Variants in CLCA1 observed in about 807,000 individuals in gnomAD.
The protein encoded by CLCA1 is calcium-activated chloride channel regulator 1.
Under a neutral mutation model 85.6 loss-of-function variants are expected in CLCA1, and 59 were observed. The ratio of observed to expected loss-of-function variants is 0.69; its 90% CI spans 0.56 to 0.86. The LOEUF (loss-of-function observed/expected upper bound fraction) is 0.86. CLCA1 is among the 40% of genes least tolerant of loss of function. The pLI, the probability that CLCA1 is intolerant of heterozygous loss-of-function variation, is 0.00. For missense variants in CLCA1, 1,022 were observed against 1,101.4 expected (o/e 0.93, Z 1.02); for synonymous variants, 396 against 398.3 (o/e 0.99, Z 0.07).
intron 5 of CLCA1, among the ~76,000 whole-genome samples, chr1:86,484,158 G>A (rs1224335063): frequency 6.6e-6 from 1 of 152,138 alleles, no homozygotes; most frequent in Non-Finnish European, 1.5e-5. Flanking sequence ...ATTTGGGTGG[G>A]ACACAGAGCC....
chr1:86,483,334 A>G (rs1647870404), intron 5 of CLCA1, among the ~76,000 whole-genome samples: 1 of 152,304 alleles, frequency 6.6e-6, no homozygotes, highest in African/African-American at 2.4e-5. Flanking sequence ...AAGTATCCAT[A>G]TTGATAACAT....
In CLCA1 at chr1:86,500,126, C is replaced by A; in HGVS notation, c.*81C>A. The A allele has an allele frequency of 1.1e-6, 1 of 888,906 alleles. No individual in the cohort carries two copies. The highest frequency in any genetic ancestry group is 1.7e-6 in the Non-Finnish European group (1 of 579,952). 55.1% of individuals were successfully genotyped at this position (888,906 alleles called of 1,614,324 possible). ...AAAATTTTCTAAAATGTATTTTAGACTTCCTGTAGGGGGCGATATACTAAA... is the reference window on the plus strand; with the variant it reads ...AAAATTTTCTAAAATGTATTTTAGAATTCCTGTAGGGGGCGATATACTAAA... On this transcript the variant is annotated 3_prime_UTR_variant, in exon 14 of 14. Transcript: ENST00000394711.
Position 86,469,059 on chromosome 1 carries a change from A to G in CLCA1, c.88A>G (p.Asn30Asp). 6.2e-7 allele frequency: 1 copy of G among 1,613,144 alleles called. No individual in the cohort carries two copies. The highest frequency in any genetic ancestry group is 8.5e-7 in the Non-Finnish European group (1 of 1,179,504). ...TAATTCACTCATTCAGCTGAACAACAATGGCTATGAAGGCATTGTCGTTGC... is the reference window on the plus strand; with the variant it reads ...TAATTCACTCATTCAGCTGAACAACGATGGCTATGAAGGCATTGTCGTTGC... ...LSNSLIQLNNNGYEGIVVAID... is the reference protein window; with the variant it reads ...LSNSLIQLNNDGYEGIVVAID... The change falls in exon 1 of 14, where the codon AAT becomes GAT. Residue 30 changes from asparagine (N) to aspartate (D), a missense_variant. By Grantham distance (23) the Asn-to-Asp change is conservative. Transcript: ENST00000394711.
intron 2 of CLCA1, 44 bp from the exon 3 acceptor site, chr1:86,473,685 T>C (rs763205104): frequency 2.0e-6 from 3 of 1,533,834 alleles, no homozygotes; most frequent in East Asian, 2.3e-5. Flanking sequence ...GTTAATTCAT[T>C]TGCTGAAACT....
At position 86,482,313 on chromosome 1, in the gene CLCA1, A is replaced by G. The variant is rs757492153; in HGVS notation, c.666A>G (p.Gly222=). ...AAGTAACAGGACTCTATGAAAAAGG[A>G]TGTGAGTTTGTTCTCCAATCCCGCC... ...FNKVTGLYEK[G]CEFVLQSRQT... Residue 222 remains glycine, a synonymous_variant, in exon 5 of 14, where the codon GGA becomes GGG. Transcript: ENST00000394711. 1 of 1,614,160 alleles carries G rather than the reference A, an allele frequency of 6.2e-7. No homozygotes were observed. Among genetic ancestry groups the G allele is most frequent in the Non-Finnish European group, 8.5e-7 (1 of 1,180,004 alleles).
At position 86,491,337 on chromosome 1, in the gene CLCA1, C is replaced by T. The variant is rs1648129147; in HGVS notation, c.1430C>T (p.Ser477Leu). 2 of 1,613,352 alleles carry T rather than the reference C, an allele frequency of 1.2e-6. No homozygotes were observed. The highest frequency in any genetic ancestry group is 1.7e-6 in the Non-Finnish European group (2 of 1,179,452). The part of the protein sequence containing the change: ...GLIDAFGALS[S>L]GNGAVSQRSI... Reference sequence around the variant, plus strand: ...ATTGATGCTTTTGGGGCCCTTTCATCAGGAAATGGAGCTGTCTCTCAGCGC... The same window carrying T: ...ATTGATGCTTTTGGGGCCCTTTCATTAGGAAATGGAGCTGTCTCTCAGCGC... The change falls in exon 9 of 14, where the codon TCA (serine) becomes TTA (leucine). Residue 477 changes from serine (S) to leucine (L), a missense_variant. By Grantham distance (145) the Ser-to-Leu change is moderately radical. Coordinates refer to ENST00000394711, the MANE Select transcript of CLCA1 (RefSeq NM_001285.4).
intron 1 of CLCA1, among the ~76,000 whole-genome samples, chr1:86,469,894 T>A (rs1647450983): frequency 1.3e-5 from 2 of 152,158 alleles, no homozygotes; most frequent in Admixed American, 1.3e-4. Context: ...ATCTCCCTTA[T>A]CAGATTTTGT....
chr1:86,476,900 G>A (rs1201211762), intron 4 of CLCA1, among the ~76,000 whole-genome samples: 1 of 151,982 alleles, frequency 6.6e-6, no homozygotes, highest in Admixed American at 6.6e-5. Context: ...GGTGCCTTCA[G>A]GGCAGAATAA....
chr1:86,483,159 T>C (rs1385780397), intron 5 of CLCA1, among the ~76,000 whole-genome samples: 1 of 152,210 alleles, frequency 6.6e-6, no homozygotes, highest in Admixed American at 6.5e-5. Context: ...CCCATCGTCC[T>C]TCAATTTGGC....
chr1:86,498,481 A>C, intron 12 of CLCA1, 91 bp from the exon 13 acceptor site: 7 of 1,273,612 alleles, frequency 5.5e-6, no homozygotes, highest in Non-Finnish European at 6.6e-6. Context: ...GAAGTGGGGA[A>C]CAGGAAGAGG....
chr1:86,495,406 T>A (rs1648249843), intron 11 of CLCA1, 99 bp from the exon 12 acceptor site: 2 of 1,002,698 alleles, frequency 2.0e-6, no homozygotes, highest in Non-Finnish European at 2.9e-6. Context: ...TAATGCTGAA[T>A]TTCTTGTTGC....
intron 11 of CLCA1, among the ~76,000 whole-genome samples, chr1:86,494,776 C>T (rs941941952): frequency 2.0e-5 from 3 of 152,162 alleles, no homozygotes; most frequent in Non-Finnish European, 4.4e-5. Flanking sequence ...TGTATATACA[C>T]ATACATACAT....
intron 1 of CLCA1, among the ~76,000 whole-genome samples, chr1:86,472,842 A>G (rs1647541802): frequency 6.6e-6 from 1 of 152,226 alleles, no homozygotes. Flanking sequence ...TTGACTTAGT[A>G]TATAATCCCA....
chr1:86,497,502 A>G (rs1648325016), intron 12 of CLCA1, among the ~76,000 whole-genome samples: 1 of 152,216 alleles, frequency 6.6e-6, no homozygotes, highest in Non-Finnish European at 1.5e-5. Context: ...TGAACAGACC[A>G]GGGTATTTTT....
rs985340255 is a variant in CLCA1 at position 86,499,872 on chromosome 1, A to G, written c.2572A>G (p.Asn858Asp). ...DKVDLKSEIS[N>D]IARVSLFIPP... ...GGTCGATCTGAAATCAGAAATATCC[A>G]ACATTGCACGAGTATCTTTGTTTAT... Residue 858 changes from asparagine (N) to aspartate (D), a missense_variant, in exon 14 of 14, where the codon AAC (asparagine) becomes GAC (aspartate). Transcript: ENST00000394711. 6.2e-7 allele frequency: 1 copy of G among 1,613,966 alleles called. No homozygotes were observed. Among genetic ancestry groups the G allele is most frequent in the Non-Finnish European group, 8.5e-7 (1 of 1,179,810 alleles).
At position 86,489,127 on chromosome 1, in the gene CLCA1, G is replaced by GC; in HGVS notation, c.1317dup (p.Ser440LeufsTer31). On this transcript the variant is annotated frameshift_variant, in exon 8 of 14. Coordinates refer to ENST00000394711, the MANE Select transcript of CLCA1 (RefSeq NM_001285.4). LOFTEE classifies it high-confidence loss of function. ...CCATCATCCACACAGTCGCTTTGGGGCCCTCTGCAGCTCAAGAACTAGAGG... is the reference window on the plus strand; with the variant it reads ...CCATCATCCACACAGTCGCTTTGGGGCCCCTCTGCAGCTCAAGAACTAGAGG... 1 of 1,614,076 alleles carries GC rather than the reference G, an allele frequency of 6.2e-7. No homozygotes were observed. The highest frequency in any genetic ancestry group is 8.5e-7 in the Non-Finnish European group (1 of 1,179,992).
intron 12 of CLCA1, 61 bp from the exon 13 acceptor site, chr1:86,498,511 G>A (rs1016785508): frequency 1.2e-4 from 182 of 1,553,060 alleles, no homozygotes; most frequent in Non-Finnish European, 1.5e-4. Context: ...TAAGAAAACA[G>A]ACGGAGGTGT....
In CLCA1 at chr1:86,481,488, GT is replaced by G. The variant is rs564820484; in HGVS notation, c.558-709del. On this transcript the variant is annotated intron_variant, in intron 4 of 13. Transcript: ENST00000394711. ...AATATTAAAAAATTAAATATGCTAAGTTTTTTTTAAAGCAGGAAACAAAGCT... is the reference window on the plus strand; with the variant it reads ...AATATTAAAAAATTAAATATGCTAAGTTTTTTTAAAGCAGGAAACAAAGCT... Among the ~76,000 whole-genome samples the G allele has an allele frequency of 1.8e-3, 271 of 151,938 alleles. 3 individuals carry two copies. Among genetic ancestry groups the G allele is most frequent in the African/African-American group, 6.1e-3 (251 of 41,452 alleles).
intron 9 of CLCA1, among the ~76,000 whole-genome samples, chr1:86,492,130 T>G (rs2753344): frequency 0.41 from 62,644 of 152,084 alleles, 13,579 homozygotes; most frequent in Non-Finnish European, 0.48. Context: ...CACACTGGTG[T>G]GAATTATAAT....
Sources: gnomAD v4.1 joint callset for allele counts (sites outside exome capture counted in the v4.1 genomes callset) on GRCh38, gnomAD v4.1.1 for gene constraint, MANE v1.5 for transcripts, NCBI Gene and HGNC (gene_info 2026-07-23, HGNC 2026-07-21) for gene names.